TTC6: variants seen among roughly 807,000 people sequenced by gnomAD.
TTC6 encodes the protein tetratricopeptide repeat domain 6, also known as tetratricopeptide repeat protein 6.
Under a neutral mutation model 210.4 loss-of-function variants are expected in TTC6, and 172 were observed. That is an observed-to-expected ratio of 0.82 (90% CI 0.72 to 0.93). The LOEUF is 0.93. TTC6 is among the 40% of genes least tolerant of loss of function. The pLI is 0.00. For missense variants in TTC6, 2,414 were observed against 2,318.1 expected, an observed-to-expected ratio of 1.04 and a Z score of -0.85; for synonymous variants, 804 against 819.6, an observed-to-expected ratio of 0.98 and a Z score of 0.32.
chr14:37,820,042 C>G (rs2096151910), intron 26 of TTC6, among the ~76,000 whole-genome samples: 1 of 152,182 alleles, frequency 6.6e-6, no homozygotes, highest in Non-Finnish European at 1.5e-5. Context: ...AACGTGTAAC[C>G]TGACAAGAAC....
At chr14:37,681,630 A>G (rs982811984) in intron 2 of TTC6, among the ~76,000 whole-genome samples, 15 of 152,070 alleles carry the variant, frequency 9.9e-5, no homozygotes. Context: ...GCTTCCATCC[A>G]TCCCCCCTGC....
chr14:37,599,753 C>G (rs2095611778), intron 1 of TTC6, among the ~76,000 whole-genome samples: 1 of 152,204 alleles, frequency 6.6e-6, no homozygotes, highest in Admixed American at 6.5e-5. Context: ...CCCTGCTGGG[C>G]AGTCGACAGC....
chr14:37,662,459 G>T (rs2095739401), intron 1 of TTC6, among the ~76,000 whole-genome samples: 1 of 152,118 alleles, frequency 6.6e-6, no homozygotes, highest in Non-Finnish European at 1.5e-5. Flanking sequence ...TACGTTTATT[G>T]ATTTGCGTAT....
chr14:37,668,353 C>T (rs1472908193), intron 1 of TTC6, among the ~76,000 whole-genome samples: 1 of 150,440 alleles, frequency 6.6e-6, no homozygotes, highest in East Asian at 1.9e-4. Context: ...TAGCTCTCAC[C>T]TTTGTGGATT....
chr14:37,818,407 G>A (rs750998545), intron 26 of TTC6, among the ~76,000 whole-genome samples: 20 of 151,994 alleles, frequency 1.3e-4, no homozygotes, highest in Non-Finnish European at 2.8e-4. Flanking sequence ...TTCAGCCTGC[G>A]AGGATTTTAA....
rs571452525 is a variant in TTC6, at chr14:37,733,870, C to T, written c.1819-2051C>T. Among the ~76,000 whole-genome samples, 439 of 152,124 alleles carry T rather than the reference C, an allele frequency of 2.9e-3. 1 individual carries two copies. The highest frequency in any genetic ancestry group is 5.3e-3 in the Non-Finnish European group (360 of 68,000). On this transcript the variant is annotated intron_variant, in intron 7 of 30. Transcript: ENST00000553443. ...CTTGGTATTGGATTCTGGACAATTT[C>T]TTCTAACCTGTATTATAGGTGAGGT...
At chr14:37,677,738 G>C (rs1034163260) in intron 1 of TTC6, among the ~76,000 whole-genome samples, 1 of 151,888 alleles carries the variant, frequency 6.6e-6, no homozygotes, top group Non-Finnish European at 1.5e-5. Flanking sequence ...ATTTCTCTCT[G>C]TGGTTCATTT....
intron 1 of TTC6, among the ~76,000 whole-genome samples, chr14:37,646,319 A>G (rs1021570362): frequency 6.6e-6 from 1 of 151,570 alleles, no homozygotes; most frequent in African/African-American, 2.4e-5. Context: ...ACAAAGTGAC[A>G]AAGTATCAGA....
chr14:37,663,692 T>A (rs1214188516), intron 1 of TTC6, among the ~76,000 whole-genome samples: 1 of 152,118 alleles, frequency 6.6e-6, no homozygotes, highest in East Asian at 1.9e-4. Flanking sequence ...TGATGAAAGT[T>A]AGTATGAGGT....
chr14:37,823,944 G>C, exon 27 of TTC6: 1 of 1,613,636 alleles, frequency 6.2e-7, no homozygotes, highest in East Asian at 2.2e-5. Flanking sequence ...ATTAGTTTTG[G>C]CTATAATTTG....
At chr14:37,751,379 G>C (rs1334220769) in intron 13 of TTC6, among the ~76,000 whole-genome samples, 154 bp downstream of exon 15, 1 of 152,000 alleles carries the variant, frequency 6.6e-6, no homozygotes, top group Non-Finnish European at 1.5e-5. Flanking sequence ...TTCATTACTG[G>C]AATTAATATT....
rs547284834 is a variant in TTC6 at position 37,740,053 on chromosome 14, G to GT, written c.2363+900dup. Among the ~76,000 whole-genome samples the GT allele has an allele frequency of 3.9e-3, 595 of 151,342 alleles. 4 individuals are homozygous for GT. The highest frequency in any genetic ancestry group is 0.013 in the African/African-American group (552 of 41,308). On this transcript the variant is annotated intron_variant, in intron 10 of 30. Coordinates refer to ENST00000553443, the Ensembl canonical transcript of TTC6. ...ATGGTGGGCACCTGTAGTCCCAGCT[G>GT]TTCGGGAGGCTGAGGCAGGAGAATG...
intron 26 of TTC6, 129 bp from the exon 29 acceptor site, chr14:37,823,618 A>G (rs2096163190): frequency 2.5e-6 from 2 of 815,096 alleles, no homozygotes; most frequent in African/African-American, 1.7e-5. Context: ...ACAATGGGTA[A>G]TAGAAATGGA....
chr14:37,788,207 C>T (rs969649521), intron 15 of TTC6, among the ~76,000 whole-genome samples: 8 of 152,166 alleles, frequency 5.3e-5, no homozygotes, highest in Admixed American at 3.3e-4. Flanking sequence ...AATCAGCACA[C>T]TCCTGGTTTA....
intron 29 of TTC6, among the ~76,000 whole-genome samples, chr14:37,831,221 C>T (rs1271205433): frequency 6.6e-6 from 1 of 152,086 alleles, no homozygotes; most frequent in East Asian, 1.9e-4. Flanking sequence ...ATAATGTCCT[C>T]TATGCTCACC....
intron 14 of TTC6, among the ~76,000 whole-genome samples, chr14:37,757,904 A>G (rs1284195146): frequency 6.6e-6 from 1 of 152,184 alleles, no homozygotes; most frequent in East Asian, 1.9e-4. Context: ...GCTTTCAAAG[A>G]ACTTATTTAT....
chr14:37,615,760 TC>T (rs1450778427), intron 2 of TTC6, among the ~76,000 whole-genome samples: 2 of 152,184 alleles, frequency 1.3e-5, no homozygotes, highest in African/African-American at 4.8e-5. Context: ...TGTTCAATTT[TC>T]TTTTTCTTTT....
chr14:37,728,427 A>T (rs5007440), intron 7 of TTC6, among the ~76,000 whole-genome samples: 4 of 148,826 alleles, frequency 2.7e-5, no homozygotes, highest in African/African-American at 7.4e-5. Context: ...CAAAAAAAAA[A>T]AAAAAAAAAA....
At chr14:37,736,010 G>T in exon 8 of TTC6, 1 of 1,503,548 alleles carries the variant, frequency 6.7e-7, no homozygotes, top group Non-Finnish European at 8.9e-7. Flanking sequence ...CAAATTTTTG[G>T]GTATGTACAA....
Sources: allele counts gnomAD v4.1 joint callset (sites outside exome capture counted in the v4.1 genomes callset), GRCh38; gene constraint gnomAD v4.1.1; transcripts MANE v1.5; gene names NCBI Gene and HGNC (gene_info 2026-07-23, HGNC 2026-07-21).